IFT80: variants seen among roughly 807,000 people sequenced by gnomAD.
The protein encoded by IFT80 is intraflagellar transport protein 80 homolog.
A neutral mutation model predicts 107.9 loss-of-function variants in IFT80; 79 were observed. The observed-to-expected ratio is 0.73, with a 90% confidence interval of 0.61 to 0.88. IFT80 has a LOEUF of 0.88. Among genes scored for constraint, IFT80 ranks in the 40% least tolerant of loss-of-function variants. IFT80 has a pLI of 0.00. For synonymous variants in IFT80, 299 were observed against 300.9 expected, an observed-to-expected ratio of 0.99 and a Z score of 0.07; for missense variants, 797 against 914.2, an observed-to-expected ratio of 0.87 and a Z score of 1.65.
intron 6 of IFT80, among the ~76,000 whole-genome samples, chr3:160,364,990 T>C (rs1290962766): frequency 1.4e-5 from 2 of 146,524 alleles, no homozygotes; most frequent in African/African-American, 5.1e-5. Context: ...ACCCTAGAAC[T>C]TAAAGTATAA....
At chr3:160,344,358 C>T (rs1720131451) in intron 8 of IFT80, among the ~76,000 whole-genome samples, 1 of 152,060 alleles carries the variant, frequency 6.6e-6, no homozygotes, top group Non-Finnish European at 1.5e-5. Flanking sequence ...CCAGTCTCTT[C>T]AACAAATGGT....
chr3:160,327,440 A>G (rs995714288), intron 8 of IFT80, among the ~76,000 whole-genome samples: 1 of 152,204 alleles, frequency 6.6e-6, no homozygotes, highest in Non-Finnish European at 1.5e-5. Flanking sequence ...TAACAGGGCC[A>G]CAATAACCAA....
intron 11 of IFT80, among the ~76,000 whole-genome samples, chr3:160,303,274 C>T (rs1716577051): frequency 6.6e-6 from 1 of 152,174 alleles, no homozygotes; most frequent in African/African-American, 2.4e-5. Context: ...TAGGCTATCA[C>T]TGTACTCAAG....
chr3:160,358,274 A>G (rs571359532), intron 6 of IFT80, among the ~76,000 whole-genome samples: 21 of 152,010 alleles, frequency 1.4e-4, no homozygotes, highest in Middle Eastern at 3.4e-3. Context: ...TGGCCTCCCA[A>G]TGTGCGGGGA....
At chr3:160,305,063 CA>C (rs1173039217) in intron 10 of IFT80, among the ~76,000 whole-genome samples, 1 of 152,030 alleles carries the variant, frequency 6.6e-6, no homozygotes, top group Non-Finnish European at 1.5e-5. Context: ...TAACATGAAT[CA>C]AAGATCGGGG....
chr3:160,272,565 T>C (rs1228384046), intron 18 of IFT80, among the ~76,000 whole-genome samples: 1 of 152,156 alleles, frequency 6.6e-6, no homozygotes, highest in African/African-American at 2.4e-5. Context: ...CTGATCTCTA[T>C]TGCTAAATTC....
chr3:160,264,733 C>A (rs1182830460), intron 19 of IFT80, among the ~76,000 whole-genome samples: 1 of 152,050 alleles, frequency 6.6e-6, no homozygotes, highest in Non-Finnish European at 1.5e-5. Flanking sequence ...AGCCACCGCA[C>A]CTTGCGGAAT....
At chr3:160,377,332 A>C in intron 4 of IFT80, 98 bp downstream of exon 4, 3 of 733,654 alleles carry the variant, frequency 4.1e-6, no homozygotes, top group Non-Finnish European at 7.4e-6. Flanking sequence ...TTGCTATTAC[A>C]CAATGAAAGA....
chr3:160,312,380 A>G (rs1331529439), intron 9 of IFT80, among the ~76,000 whole-genome samples: 7 of 150,766 alleles, frequency 4.6e-5, no homozygotes, highest in Non-Finnish European at 1.0e-4. Context: ...TCAAACAGAC[A>G]CTTGGATCTA....
At chr3:160,391,734 C>CCCATG (rs1713400294) in intron 1 of IFT80, 1 of 152,120 alleles carries the variant, frequency 6.6e-6, no homozygotes, top group Non-Finnish European at 1.5e-5. Flanking sequence ...AGTGACACTC[C>CCCATG]CCATGCCATG....
chr3:160,365,304 G>A (rs1721790989), intron 6 of IFT80, among the ~76,000 whole-genome samples: 1 of 152,080 alleles, frequency 6.6e-6, no homozygotes, highest in Admixed American at 6.6e-5. Context: ...CATTTTGGCT[G>A]TGTAAAATAC....
At chr3:160,281,866 C>T (rs1211842495) in intron 14 of IFT80, among the ~76,000 whole-genome samples, 1 of 152,182 alleles carries the variant, frequency 6.6e-6, no homozygotes, top group Non-Finnish European at 1.5e-5. Flanking sequence ...TTGCAACTCC[C>T]CAGAAGCATG....
chr3:160,374,687 T>A (rs947351678), intron 5 of IFT80, among the ~76,000 whole-genome samples: 1 of 152,150 alleles, frequency 6.6e-6, no homozygotes, highest in Non-Finnish European at 1.5e-5. Flanking sequence ...AGTGAGAATG[T>A]CAAATAATGA....
In IFT80 at chr3:160,366,054, T is replaced by C; in HGVS notation, c.538A>G (p.Lys180Glu). 2 of 1,612,210 alleles carry C rather than the reference T, an allele frequency of 1.2e-6. No individual in the cohort carries two copies. ...TGACTGAGAAGTACCTGCAAAACTT[T>C]AGCATTTGGTTGAAGAGGTTTAATG... ...LIIKPLQPNA[K>E]VLQWKAHDGI... The change falls in exon 6 of 20, where the codon AAA (lysine) becomes GAA (glutamate). Residue 180 changes from lysine (K) to glutamate (E), a missense_variant. By Grantham distance (56) the Lys-to-Glu change is moderately conservative. Transcript: ENST00000326448.
intron 8 of IFT80, among the ~76,000 whole-genome samples, chr3:160,328,890 A>G (rs1345792205): frequency 6.6e-6 from 1 of 152,168 alleles, no homozygotes; most frequent in East Asian, 1.9e-4. Flanking sequence ...ACAGGAGCAG[A>G]AAAAGCAGAA....
At chr3:160,277,946 C>A (rs1276391918) in intron 16 of IFT80, among the ~76,000 whole-genome samples, 2 of 151,964 alleles carry the variant, frequency 1.3e-5, no homozygotes, top group Admixed American at 1.3e-4. Context: ...TATAAACCTT[C>A]CAGTCTTTTT....
intron 16 of IFT80, 38 bp downstream of exon 16, chr3:160,279,155 A>C: frequency 6.4e-7 from 1 of 1,550,790 alleles, no homozygotes; most frequent in South Asian, 1.1e-5. Context: ...AACTACTATG[A>C]AATATATATA....
chr3:160,352,745 A>C (rs1720805063), intron 8 of IFT80, among the ~76,000 whole-genome samples: 1 of 152,204 alleles, frequency 6.6e-6, no homozygotes, highest in Non-Finnish European at 1.5e-5. Context: ...ATGAAAGGGC[A>C]TTATCCTCAG....
At chr3:160,382,031 CAA>C (rs1712558703) in intron 2 of IFT80, among the ~76,000 whole-genome samples, 2 of 152,062 alleles carry the variant, frequency 1.3e-5, no homozygotes, top group African/African-American at 4.8e-5. Context: ...AAAAGGTATA[CAA>C]AAGAGACTTA....
Sources: allele counts gnomAD v4.1 joint callset (sites outside exome capture counted in the v4.1 genomes callset), GRCh38; gene constraint gnomAD v4.1.1; transcripts MANE v1.5; gene names NCBI Gene and HGNC (gene_info 2026-07-23, HGNC 2026-07-21).